RGS12: variants seen among roughly 807,000 people sequenced by gnomAD.
The protein encoded by RGS12 is regulator of G protein signaling 12, also known as regulator of G-protein signaling 12.
Under a neutral mutation model 120.1 loss-of-function variants are expected in RGS12, and 66 were observed. The observed-to-expected ratio is 0.55, with a 90% CI of 0.45 to 0.67. The LOEUF is 0.67. Ranked by LOEUF, RGS12 falls within the 30% of genes least tolerant of loss-of-function variation. The pLI is 0.00. For synonymous variants in RGS12, 827 were observed against 804.7 expected (o/e 1.03, Z -0.47); for missense variants, 1,859 against 1,957.7 (o/e 0.95, Z 0.95).
At chr4:3,297,312 A>G (rs1723435714) in intron 1 of RGS12, among the ~76,000 whole-genome samples, 1 of 152,186 alleles carries the variant, frequency 6.6e-6, no homozygotes, top group Admixed American at 6.5e-5. Flanking sequence ...TGAAGCGTCC[A>G]GTTGTAGGCA....
rs979774715 is a variant in RGS12 at position 3,381,357 on chromosome 4, T to G, written c.1999-5059T>G. 2.6e-5 allele frequency among the ~76,000 whole-genome samples: 4 copies of G among 152,230 alleles called. No homozygotes were observed. In the East Asian group the frequency reaches 7.7e-4, roughly 29 times the overall value. ...GCCTGTTACCCAGTTCCAAAGTCAC[T>G]TGCACATTTTCAGATATCTTTACGG... On this transcript the variant is annotated intron_variant, in intron 3 of 17. Coordinates refer to ENST00000336727, the MANE Select transcript of RGS12 (RefSeq NM_001394154.1).
chr4:3,338,404 G>A (rs1712708496), intron 2 of RGS12, among the ~76,000 whole-genome samples: 1 of 152,240 alleles, frequency 6.6e-6, no homozygotes, highest in African/African-American at 2.4e-5. Context: ...TGGTACCTGA[G>A]CAGGGGTTAA....
Position 3,432,224 on chromosome 4 carries a change from A to C in RGS12, c.4114+1269A>C, listed in dbSNP as rs557694536. On this transcript the variant is annotated intron_variant, in intron 17 of 17. Coordinates refer to ENST00000336727, the MANE Select transcript of RGS12 (RefSeq NM_001394154.1). ...TCATTTGAAACTTTGTTTCCACTTT[A>C]GAAAATAATAAAAGTATTTTAATCT... is the stretch of plus-strand genomic sequence containing the variant. 1.1e-4 allele frequency: 99 copies of C among 933,908 alleles called. No individual in the cohort carries two copies. The African/African-American group carries it at 1.6e-3, about 15-fold the overall frequency. The allele number at this position is 933,908 out of a possible 1,614,324, so 57.9% of individuals were successfully genotyped here. A position where few individuals can be genotyped will look rare whatever the true frequency, so the allele number is the denominator to read the frequency against.
At chr4:3,362,171 G>A (rs1415981492) in intron 3 of RGS12, among the ~76,000 whole-genome samples, 2 of 152,166 alleles carry the variant, frequency 1.3e-5, no homozygotes, top group South Asian at 4.1e-4. Context: ...GTGAAGGAGG[G>A]GTAGGGTGCT....
In RGS12 at chr4:3,417,009, C is replaced by A; in HGVS notation, c.2524C>A (p.Pro842Thr). ...GGCGGAAGTGGAGGGCCGTGCACTC[C>A]CGGACTCGCAGCAGGTCCCCAGCAG... The part of the protein sequence containing the change: ...ILAEVEGRAL[P>T]DSQQVPSSPA... Residue 842 changes from proline (P) to threonine (T), a missense_variant, in exon 8 of 18, where the codon CCG becomes ACG. Physicochemically the swap from Pro to Thr is conservative, Grantham distance 38. This residue lies in a region of RGS12 where 375 missense variants were observed against 475.0 expected (regional missense o/e 0.79). Transcript: ENST00000336727. 2.5e-6 allele frequency: 4 copies of A among 1,613,430 alleles called. No homozygotes were observed. Among genetic ancestry groups the A allele is most frequent in the Non-Finnish European group, 3.4e-6 (4 of 1,179,836 alleles).
intron 2 of RGS12, among the ~76,000 whole-genome samples, chr4:3,334,394 A>T (rs1712213618): frequency 6.6e-6 from 1 of 152,204 alleles, no homozygotes; most frequent in African/African-American, 2.4e-5. Context: ...CTAACTTATG[A>T]TCATTTTTTA....
chr4:3,380,877 A>C (rs905193556), intron 3 of RGS12, among the ~76,000 whole-genome samples: 12 of 152,236 alleles, frequency 7.9e-5, no homozygotes, highest in African/African-American at 2.9e-4. Flanking sequence ...CATTTTCATC[A>C]TTGTCTCAGT....
intron 17 of RGS12, among the ~76,000 whole-genome samples, chr4:3,438,466 A>G (rs1362302594): frequency 1.3e-5 from 2 of 151,998 alleles, no homozygotes; most frequent in Admixed American, 6.5e-5. Flanking sequence ...CTCTCCCAGC[A>G]CGGGGGCTTC....
intron 7 of RGS12, among the ~76,000 whole-genome samples, chr4:3,416,580 G>A (rs1057086466): frequency 6.6e-6 from 1 of 152,234 alleles, no homozygotes; most frequent in African/African-American, 2.4e-5. Context: ...GCAGTCTACT[G>A]TAAGATTTCT....
At chr4:3,343,206 C>A (rs140754557) in intron 3 of RGS12, 153 bp downstream of exon 3, 205 of 603,090 alleles carry the variant, frequency 3.4e-4, no homozygotes, top group Non-Finnish European at 4.7e-4. Flanking sequence ...GACAGCGTCC[C>A]ATGCACATTT....
chr4:3,350,482 G>C (rs990102173), intron 3 of RGS12, among the ~76,000 whole-genome samples: 3 of 152,066 alleles, frequency 2.0e-5, no homozygotes, highest in African/African-American at 4.8e-5. Flanking sequence ...AGGAGTTTGA[G>C]ACCAGCCTGG....
At chr4:3,386,463 A>G in intron 4 of RGS12, 26 bp downstream of exon 4, 6 of 1,587,618 alleles carry the variant, frequency 3.8e-6, no homozygotes, top group Non-Finnish European at 5.2e-6. Flanking sequence ...TGATGTATAT[A>G]TTTTTTATTT....
chr4:3,330,558 C>T (rs537074132), intron 2 of RGS12, among the ~76,000 whole-genome samples: 12 of 152,282 alleles, frequency 7.9e-5, no homozygotes, highest in Non-Finnish European at 1.8e-4. Flanking sequence ...AGAACAGTGC[C>T]TGGCAGTTAG....
At chr4:3,340,156 G>C (rs576447389) in intron 2 of RGS12, among the ~76,000 whole-genome samples, 1 of 152,344 alleles carries the variant, frequency 6.6e-6, no homozygotes, top group South Asian at 2.1e-4. Flanking sequence ...CCTCCGTGTC[G>C]TGTGTCTCAT....
chr4:3,373,910 C>T (rs1717336263), intron 3 of RGS12, among the ~76,000 whole-genome samples: 1 of 152,240 alleles, frequency 6.6e-6, no homozygotes, highest in African/African-American at 2.4e-5. Flanking sequence ...TTTCTATTTT[C>T]ACCTCTTCCC....
intron 4 of RGS12, 62 bp downstream of exon 4, chr4:3,386,499 G>A (rs1718869520): frequency 2.1e-5 from 30 of 1,450,834 alleles, no homozygotes; most frequent in African/African-American, 4.2e-5. Context: ...AATTGTGAAA[G>A]TGTATTTGCC....
rs973374627 is a variant in RGS12, at chr4:3,389,384, A to C, written c.2020+2947A>C. Among the ~76,000 whole-genome samples the C allele has an allele frequency of 1.3e-5, 2 of 152,012 alleles. No homozygotes were observed. Among genetic ancestry groups the C allele is most frequent in the Non-Finnish European group, 2.9e-5 (2 of 68,004 alleles). On this transcript the variant is annotated intron_variant, in intron 4 of 17. Transcript: ENST00000336727. The surrounding 1 kb of genome is among the most constrained non-coding windows in gnomAD (Gnocchi z 5.2). The stretch of plus-strand genomic sequence containing the variant: ...GCATTATAGAGAGGCTTAGCAGGGG[A>C]ATGGTCTGCCTTGTGGGAAGTTATT...
chr4:3,368,473 G>A (rs1192075715), intron 3 of RGS12, among the ~76,000 whole-genome samples: 2 of 119,786 alleles, frequency 1.7e-5, no homozygotes, highest in Non-Finnish European at 3.6e-5. Context: ...GTGTGTGGGG[G>A]TGCCTGTGTG....
chr4:3,430,384 C>G, intron 16 of RGS12, 23 bp from the exon 17 acceptor site: 1 of 1,588,686 alleles, frequency 6.3e-7, no homozygotes, highest in Admixed American at 1.7e-5. Flanking sequence ...AAAACACGGT[C>G]ACTCTGGGTT....
Sources: gnomAD v4.1 joint callset for allele counts (sites outside exome capture counted in the v4.1 genomes callset) on GRCh38, gnomAD v4.1.1 for gene constraint, gnomAD v4.1.1 regional missense constraint, Gnocchi (gnomAD v3.1) non-coding constraint, MANE v1.5 for transcripts, NCBI Gene and HGNC (gene_info 2026-07-23, HGNC 2026-07-21) for gene names.